HS3ST4: variants seen among roughly 807,000 people sequenced by gnomAD.
The protein encoded by HS3ST4 is heparan sulfate-glucosamine 3-sulfotransferase 4.
Under a neutral mutation model 29.2 loss-of-function variants are expected in HS3ST4, and 17 were observed. That is an observed-to-expected ratio of 0.58 (90% CI 0.40 to 0.87). The LOEUF is 0.87. HS3ST4 is among the 40% of genes least tolerant of loss of function. HS3ST4 has a pLI of 0.00. For synonymous variants in HS3ST4, 314 were observed against 285.7 expected (o/e 1.10, Z -1.00); for missense variants, 627 against 634.5 (o/e 0.99, Z 0.13).
Position 25,879,500 on chromosome 16 carries a change from G to A in HS3ST4, c.734+186349G>A, listed in dbSNP as rs144052907. On this transcript the variant is annotated intron_variant, in intron 1 of 1. Transcript: ENST00000331351. ...AGAGAGCTTGTGCAGGGAAATTCCCGTTTTTAAAACCATCAGATCTCCTGA... is the reference window on the plus strand; with the variant it reads ...AGAGAGCTTGTGCAGGGAAATTCCCATTTTTAAAACCATCAGATCTCCTGA... Among the ~76,000 whole-genome samples, 114 of 152,002 alleles carry A rather than the reference G, an allele frequency of 7.5e-4. 1 individual carries two copies. The highest frequency in any genetic ancestry group is 2.4e-3 in the African/African-American group (98 of 41,480).
intron 1 of HS3ST4, among the ~76,000 whole-genome samples, chr16:25,956,637 C>T (rs1043865979): frequency 1.3e-5 from 2 of 152,086 alleles, no homozygotes; most frequent in Non-Finnish European, 2.9e-5. Context: ...ATAACTTATG[C>T]TTTTATATGG....
chr16:25,910,294 G>C (rs957948694), intron 1 of HS3ST4, among the ~76,000 whole-genome samples: 17 of 152,290 alleles, frequency 1.1e-4, no homozygotes, highest in African/African-American at 3.8e-4. Flanking sequence ...TGTTGCAGCT[G>C]CTCAACTCCG....
intron 1 of HS3ST4, among the ~76,000 whole-genome samples, chr16:25,986,048 C>G (rs1266309380): frequency 6.6e-6 from 1 of 152,088 alleles, no homozygotes; most frequent in East Asian, 1.9e-4. Flanking sequence ...TCTTTTCTTT[C>G]TTTTTCATAA....
intron 1 of HS3ST4, among the ~76,000 whole-genome samples, chr16:25,840,105 A>G (rs1967398187): frequency 1.3e-5 from 2 of 152,368 alleles, no homozygotes; most frequent in South Asian, 2.1e-4. Flanking sequence ...TTACAACACC[A>G]TAAGGCACCC....
chr16:26,101,970 T>C (rs1327830020), intron 1 of HS3ST4, among the ~76,000 whole-genome samples: 1 of 152,188 alleles, frequency 6.6e-6, no homozygotes, highest in Non-Finnish European at 1.5e-5. Flanking sequence ...AACAATGAGG[T>C]CTTACTACAA....
chr16:25,914,086 GAT>G (rs945954034), intron 1 of HS3ST4, among the ~76,000 whole-genome samples: 4 of 148,818 alleles, frequency 2.7e-5, no homozygotes, highest in African/African-American at 9.9e-5. Context: ...GTGGGGGTAT[GAT>G]ATATGTGTGT....
intron 1 of HS3ST4, among the ~76,000 whole-genome samples, chr16:25,835,796 A>G (rs1967350542): frequency 6.6e-6 from 1 of 152,222 alleles, no homozygotes; most frequent in African/African-American, 2.4e-5. Context: ...TTTCTCTCTT[A>G]TACCAAAGGG....
chr16:25,821,737 G>C (rs965991668), intron 1 of HS3ST4, among the ~76,000 whole-genome samples: 8 of 152,112 alleles, frequency 5.3e-5, no homozygotes, highest in African/African-American at 1.7e-4. Flanking sequence ...GACCAGCCTG[G>C]GCAACACAGT....
chr16:25,754,386 A>T (rs1161450653), intron 1 of HS3ST4, among the ~76,000 whole-genome samples: 2 of 150,070 alleles, frequency 1.3e-5, no homozygotes, highest in African/African-American at 4.9e-5. Flanking sequence ...TCACTTAGCC[A>T]TTCATCCACC....
chr16:25,709,841 A>T (rs985948018), intron 1 of HS3ST4, among the ~76,000 whole-genome samples: 1 of 152,134 alleles, frequency 6.6e-6, no homozygotes, highest in Non-Finnish European at 1.5e-5. Flanking sequence ...AATATTTTCT[A>T]TTTTCATCCC....
chr16:26,124,979 G>A (rs1899323462), intron 1 of HS3ST4, among the ~76,000 whole-genome samples: 1 of 152,240 alleles, frequency 6.6e-6, no homozygotes, highest in Non-Finnish European at 1.5e-5. Flanking sequence ...CATGGCATAG[G>A]CAGTGTCCTT....
chr16:25,939,846 C>G (rs1386615892), intron 1 of HS3ST4, among the ~76,000 whole-genome samples: 1 of 152,142 alleles, frequency 6.6e-6, no homozygotes, highest in African/African-American at 2.4e-5. Context: ...ATGAAGGGAG[C>G]TATGGCCCCA....
intron 1 of HS3ST4, among the ~76,000 whole-genome samples, chr16:25,906,132 G>A (rs1451610793): frequency 6.6e-6 from 1 of 152,212 alleles, no homozygotes; most frequent in South Asian, 2.1e-4. Flanking sequence ...CTTGAAGCCT[G>A]AGAGGCATAA....
At chr16:25,845,128 G>T (rs1227157065) in intron 1 of HS3ST4, among the ~76,000 whole-genome samples, 1 of 152,108 alleles carries the variant, frequency 6.6e-6, no homozygotes, top group African/African-American at 2.4e-5. Context: ...GGGTTGATAG[G>T]TGCAGCAAAC....
chr16:25,863,498 G>C (rs2141655912), intron 1 of HS3ST4, among the ~76,000 whole-genome samples: 1 of 152,276 alleles, frequency 6.6e-6, no homozygotes, highest in Admixed American at 6.5e-5. Context: ...TATAAGTAGA[G>C]CTTCTTGGGT....
chr16:26,039,993 A>G (rs1969620798), intron 1 of HS3ST4, among the ~76,000 whole-genome samples: 1 of 152,198 alleles, frequency 6.6e-6, no homozygotes, highest in African/African-American at 2.4e-5. Flanking sequence ...TGTAGACTAG[A>G]CACCTAAATG....
At chr16:26,034,564 G>T (rs1969565439) in intron 1 of HS3ST4, among the ~76,000 whole-genome samples, 1 of 151,600 alleles carries the variant, frequency 6.6e-6, no homozygotes, top group Non-Finnish European at 1.5e-5. Flanking sequence ...CTTCCAGGTT[G>T]CTCTCTGTCC....
At chr16:25,857,944 C>CT (rs1177748269) in intron 1 of HS3ST4, among the ~76,000 whole-genome samples, 1 of 51,418 alleles carries the variant, frequency 1.9e-5, no homozygotes, top group Non-Finnish European at 3.5e-5. Context: ...TTCTTTCTTT[C>CT]TTTCTTTCTT....
chr16:25,736,831 T>C (rs924064981), intron 1 of HS3ST4, among the ~76,000 whole-genome samples: 1 of 152,090 alleles, frequency 6.6e-6, no homozygotes, highest in Non-Finnish European at 1.5e-5. Flanking sequence ...TCTTCCATGA[T>C]GCTGCTGGTT....
Sources: allele counts gnomAD v4.1 joint callset (sites outside exome capture counted in the v4.1 genomes callset), GRCh38; gene constraint gnomAD v4.1.1; transcripts MANE v1.5; gene names NCBI Gene and HGNC (gene_info 2026-07-23, HGNC 2026-07-21).